GALNTL6: variants seen among roughly 807,000 people sequenced by gnomAD.
GALNTL6 encodes polypeptide N-acetylgalactosaminyltransferase-like 6.
Under a neutral mutation model 73.7 loss-of-function variants are expected in GALNTL6, and 46 were observed. The observed-to-expected ratio is 0.62, with a 90% confidence interval of 0.49 to 0.80. The LOEUF (loss-of-function observed/expected upper bound fraction) is 0.80. Ranked by LOEUF, GALNTL6 falls within the 30% of genes least tolerant of loss-of-function variation. The probability of loss-of-function intolerance (pLI) is 0.00; values close to 1 mark genes in which losing one functional copy is unlikely to be tolerated. For synonymous variants in GALNTL6, 259 were observed against 263.7 expected (o/e 0.98, Z 0.17); for missense variants, 604 against 755.0 (o/e 0.80, Z 2.34).
chr4:172,238,956 T>C (rs1305636312), intron 3 of GALNTL6, among the ~76,000 whole-genome samples: 5 of 152,210 alleles, frequency 3.3e-5, no homozygotes, highest in Non-Finnish European at 5.9e-5. Context: ...AAAGCTTACT[T>C]GATCATGATG....
At chr4:172,403,691 C>CT (rs1333282627) in intron 5 of GALNTL6, among the ~76,000 whole-genome samples, 2 of 152,022 alleles carry the variant, frequency 1.3e-5, no homozygotes, top group African/African-American at 4.8e-5. Flanking sequence ...ACATATATTA[C>CT]TTTTTTTAAG....
At chr4:172,494,352 C>T (rs1297912952) in intron 5 of GALNTL6, among the ~76,000 whole-genome samples, 1 of 152,080 alleles carries the variant, frequency 6.6e-6, no homozygotes, top group African/African-American at 2.4e-5. Context: ...GATACAAATC[C>T]AAATTTCTTT....
At chr4:172,548,100 C>T (rs574884128) in intron 5 of GALNTL6, among the ~76,000 whole-genome samples, 2 of 152,210 alleles carry the variant, frequency 1.3e-5, no homozygotes, top group South Asian at 4.1e-4. Flanking sequence ...CTACAGAACA[C>T]GGAGAAGGTT....
rs1386103546 is a variant in GALNTL6 at position 172,976,095 on chromosome 4, G to A, written c.1371+23837G>A. On this transcript the variant is annotated intron_variant, in intron 10 of 12. Transcript: ENST00000506823. ...GCCCACCACCTGCCACACCTCCCCC[G>A]CTGTAGCTAGCTCCTTGACAGCCAC... Among the ~76,000 whole-genome samples, 3 of 152,094 alleles carry A rather than the reference G, an allele frequency of 2.0e-5. No individual in the cohort carries two copies. The South Asian group carries it at 6.2e-4, about 31-fold the overall frequency.
intron 2 of GALNTL6, among the ~76,000 whole-genome samples, chr4:172,164,873 A>T (rs1734575086): frequency 6.6e-6 from 1 of 152,138 alleles, no homozygotes; most frequent in South Asian, 2.1e-4. Context: ...GGAAAAGATG[A>T]AATACATATG....
chr4:172,123,519 T>TTTTC (rs1026287795), intron 2 of GALNTL6, among the ~76,000 whole-genome samples: 2 of 149,580 alleles, frequency 1.3e-5, no homozygotes, highest in African/African-American at 4.9e-5. Context: ...TTTTTTTTTT[T>TTTTC]TGAGATGGAG....
chr4:171,867,153 A>T (rs1037260474), intron 2 of GALNTL6, among the ~76,000 whole-genome samples: 2 of 152,254 alleles, frequency 1.3e-5, no homozygotes, highest in East Asian at 3.9e-4. Flanking sequence ...AATACAAAAT[A>T]AACTATGGAT....
chr4:172,790,896 C>CAAAAAAAAAAAAAAAAAAAAA (rs770813700), intron 5 of GALNTL6, among the ~76,000 whole-genome samples: 1 of 71,444 alleles, frequency 1.4e-5, no homozygotes, highest in Non-Finnish European at 2.7e-5. Flanking sequence ...GAGACTCCAT[C>CAAAAAAAAAAAAAAAAAAAAA]AAAAAAAAAA....
intron 5 of GALNTL6, among the ~76,000 whole-genome samples, chr4:172,515,406 G>C (rs1203354972): frequency 6.6e-6 from 1 of 152,190 alleles, no homozygotes; most frequent in Non-Finnish European, 1.5e-5. Flanking sequence ...CCTTGGGCTT[G>C]TGTGTGATGA....
intron 5 of GALNTL6, among the ~76,000 whole-genome samples, chr4:172,690,979 G>A (rs1158092939): frequency 6.6e-6 from 1 of 152,172 alleles, no homozygotes; most frequent in Admixed American, 6.5e-5. Context: ...TCAAAGGCAC[G>A]CTCAGAAATT....
intron 9 of GALNTL6, among the ~76,000 whole-genome samples, chr4:172,948,827 G>A (rs1415347814): frequency 6.6e-6 from 1 of 152,152 alleles, no homozygotes; most frequent in East Asian, 1.9e-4. Context: ...AAAAGGACAC[G>A]ATGATGCAGA....
chr4:172,313,792 G>GA (rs1006228357), intron 4 of GALNTL6, among the ~76,000 whole-genome samples: 2 of 152,104 alleles, frequency 1.3e-5, no homozygotes, highest in Non-Finnish European at 1.5e-5. Context: ...AAGAAAAAAA[G>GA]AAAAAATACG....
intron 5 of GALNTL6, among the ~76,000 whole-genome samples, chr4:172,665,203 C>A (rs1202238881): frequency 2.0e-5 from 3 of 152,164 alleles, no homozygotes; most frequent in African/African-American, 7.2e-5. Context: ...GCAACACCTC[C>A]ATTTCTTGGT....
chr4:172,168,177 G>T (rs1005299844), intron 2 of GALNTL6, among the ~76,000 whole-genome samples: 6 of 152,114 alleles, frequency 3.9e-5, no homozygotes, highest in African/African-American at 1.4e-4. Flanking sequence ...TTTTAATTTG[G>T]TGAAATCCAC....
intron 7 of GALNTL6, among the ~76,000 whole-genome samples, chr4:172,823,970 C>G (rs1370639768): frequency 6.6e-6 from 1 of 152,068 alleles, no homozygotes; most frequent in East Asian, 1.9e-4. Flanking sequence ...AGAGCCCAAG[C>G]TGTTGGGGGC....
intron 5 of GALNTL6, among the ~76,000 whole-genome samples, chr4:172,649,819 T>C (rs1386182490): frequency 6.6e-6 from 1 of 152,200 alleles, no homozygotes; most frequent in African/African-American, 2.4e-5. Flanking sequence ...AAAGTGACCT[T>C]ATACTTGTAC....
intron 2 of GALNTL6, among the ~76,000 whole-genome samples, chr4:171,917,160 AAT>A: frequency 6.6e-6 from 1 of 152,096 alleles, no homozygotes. Flanking sequence ...TGATTATGTG[AAT>A]AACTTAGTTG....
In GALNTL6 at chr4:172,379,461, C is replaced by T. The variant is rs1287717437; in HGVS notation, c.553+30772C>T. ...AGGAGAATGGCGTGAACCCGGGAAG[C>T]GGAGCTTGCAGTGAGCCGAGATTGC... On this transcript the variant is annotated intron_variant, in intron 5 of 12. Transcript: ENST00000506823. Among the ~76,000 whole-genome samples the T allele has an allele frequency of 2.4e-3, 335 of 140,268 alleles. 1 individual carries two copies. Among genetic ancestry groups the T allele is most frequent in the South Asian group, 7.7e-3 (34 of 4,412 alleles). 92.0% of individuals were successfully genotyped at this position (140,268 alleles called of 152,430 possible).
At chr4:172,277,489 AC>A (rs1164090692) in intron 3 of GALNTL6, among the ~76,000 whole-genome samples, 1 of 152,162 alleles carries the variant, frequency 6.6e-6, no homozygotes, top group East Asian at 1.9e-4. Flanking sequence ...TAAATGAAAA[AC>A]AAACCGTGGA....
Sources: allele counts gnomAD v4.1 joint callset (sites outside exome capture counted in the v4.1 genomes callset), GRCh38; gene constraint gnomAD v4.1.1; transcripts MANE v1.5; gene names NCBI Gene and HGNC (gene_info 2026-07-23, HGNC 2026-07-21).